BTBD9: variants seen among roughly 807,000 people sequenced by gnomAD.
BTBD9 encodes BTB/POZ domain-containing protein 9.
Under a neutral mutation model 64.3 loss-of-function variants are expected in BTBD9, and 49 were observed. That is an observed-to-expected ratio of 0.76 (90% confidence interval 0.61 to 0.97). BTBD9 has a LOEUF of 0.97. BTBD9 is among the 50% of genes least tolerant of loss of function. The pLI is 0.00. For missense variants in BTBD9, 598 were observed against 762.1 expected, an observed-to-expected ratio of 0.78 and a Z score of 2.53; for synonymous variants, 260 against 274.7, an observed-to-expected ratio of 0.95 and a Z score of 0.53.
chr6:38,540,742 G>T (rs951314506), intron 6 of BTBD9, among the ~76,000 whole-genome samples: 1 of 152,190 alleles, frequency 6.6e-6, no homozygotes, highest in African/African-American at 2.4e-5. Context: ...GGTATCCCTG[G>T]ACAGCAAAGA....
intron 6 of BTBD9, among the ~76,000 whole-genome samples, chr6:38,504,220 A>G (rs1190567545): frequency 6.6e-6 from 1 of 152,232 alleles, no homozygotes; most frequent in East Asian, 1.9e-4. Context: ...CGGCTAGAGA[A>G]AAATCACACA....
chr6:38,555,796 T>G (rs1774986543), intron 6 of BTBD9, among the ~76,000 whole-genome samples: 2 of 152,242 alleles, frequency 1.3e-5, no homozygotes, highest in African/African-American at 4.8e-5. Flanking sequence ...GCTTCGTATG[T>G]CAGTCTGGCA....
chr6:38,321,479 G>C (rs1763227646), intron 7 of BTBD9, among the ~76,000 whole-genome samples: 1 of 152,176 alleles, frequency 6.6e-6, no homozygotes, highest in Non-Finnish European at 1.5e-5. Flanking sequence ...AAGAGGGGGA[G>C]GGAAGCAGCC....
At chr6:38,185,376 G>C (rs1031577531) in intron 10 of BTBD9, among the ~76,000 whole-genome samples, 2 of 152,178 alleles carry the variant, frequency 1.3e-5, no homozygotes, top group African/African-American at 2.4e-5. Flanking sequence ...AGCATGCTCA[G>C]AGCCACCTGC....
At chr6:38,550,464 A>G (rs576023125) in intron 6 of BTBD9, among the ~76,000 whole-genome samples, 13 of 151,734 alleles carry the variant, frequency 8.6e-5, no homozygotes, top group African/African-American at 2.9e-4. Flanking sequence ...CTACAGGCAC[A>G]TGCCACCACA....
At chr6:38,504,234 G>T (rs1430191796) in intron 6 of BTBD9, among the ~76,000 whole-genome samples, 1 of 152,118 alleles carries the variant, frequency 6.6e-6, no homozygotes, top group African/African-American at 2.4e-5. Context: ...TCACACAATT[G>T]GACTTCATTT....
chr6:38,529,446 C>T (rs1260259804), intron 6 of BTBD9, among the ~76,000 whole-genome samples: 1 of 152,184 alleles, frequency 6.6e-6, no homozygotes, highest in Non-Finnish European at 1.5e-5. Flanking sequence ...CCTTTGACTA[C>T]CTGGGAAGCC....
chr6:38,485,981 T>C (rs550018386), intron 6 of BTBD9, among the ~76,000 whole-genome samples: 4 of 152,228 alleles, frequency 2.6e-5, no homozygotes, highest in Admixed American at 2.0e-4. Context: ...TCTGGGTAAC[T>C]TGCTGCAGCT....
chr6:38,328,668 C>T (rs2127580152), intron 7 of BTBD9, among the ~76,000 whole-genome samples: 1 of 143,808 alleles, frequency 7.0e-6, no homozygotes, highest in Admixed American at 7.2e-5. Context: ...ATATTTGGGG[C>T]CGGGCGCGGT....
At chr6:38,519,130 C>T (rs1773175774) in intron 6 of BTBD9, among the ~76,000 whole-genome samples, 1 of 152,162 alleles carries the variant, frequency 6.6e-6, no homozygotes, top group South Asian at 2.1e-4. Flanking sequence ...AGCACAGCAT[C>T]CTCTTGCATG....
intron 9 of BTBD9, among the ~76,000 whole-genome samples, chr6:38,197,347 C>A (rs1762301819): frequency 6.6e-6 from 1 of 152,198 alleles, no homozygotes; most frequent in African/African-American, 2.4e-5. Context: ...TGACTGTGAG[C>A]TTAGTTTCTT....
At chr6:38,293,142 C>T (rs1346956669) in intron 7 of BTBD9, among the ~76,000 whole-genome samples, 2 of 151,892 alleles carry the variant, frequency 1.3e-5, no homozygotes, top group African/African-American at 4.8e-5. Flanking sequence ...GTGAGTTTCT[C>T]CACTGCTCAA....
At chr6:38,355,617 T>C (rs1415627080) in intron 6 of BTBD9, among the ~76,000 whole-genome samples, 1 of 152,246 alleles carries the variant, frequency 6.6e-6, no homozygotes, top group African/African-American at 2.4e-5. Context: ...AAGGACGTTT[T>C]TTAATATGCA....
chr6:38,487,329 C>T (rs957092213), intron 6 of BTBD9, among the ~76,000 whole-genome samples: 2 of 152,050 alleles, frequency 1.3e-5, no homozygotes, highest in Non-Finnish European at 2.9e-5. Flanking sequence ...GCCTGTAATC[C>T]CAGCACTTTG....
intron 10 of BTBD9, among the ~76,000 whole-genome samples, chr6:38,187,310 C>T (rs1331515711): frequency 6.6e-6 from 1 of 152,156 alleles, no homozygotes; most frequent in African/African-American, 2.4e-5. Context: ...GGTGAACGAC[C>T]ACACAGGAAT....
rs540994050 is a variant in BTBD9, at chr6:38,302,460, C to G, written c.1265-13999G>C. 2.4e-4 allele frequency among the ~76,000 whole-genome samples: 33 copies of G among 136,068 alleles called. No homozygotes were observed. The Admixed American group carries it at 2.5e-3, about 10-fold the overall frequency. 89.3% of individuals were successfully genotyped at this position (136,068 alleles called of 152,430 possible). A position where few individuals can be genotyped will look rare whatever the true frequency, so the allele number is the denominator to read the frequency against. ...TGACAGCATTTCATTCTTTTAATGG[C>G]TGAATAATATTCCATTGTGTGTATG... On this transcript the variant is annotated intron_variant, in intron 7 of 10. Coordinates refer to ENST00000481247, the MANE Select transcript of BTBD9 (RefSeq NM_001099272.2).
intron 6 of BTBD9, among the ~76,000 whole-genome samples, chr6:38,381,278 T>C (rs1349573374): frequency 1.3e-5 from 2 of 152,006 alleles, no homozygotes; most frequent in African/African-American, 4.8e-5. Flanking sequence ...ACTAAAGGTA[T>C]GGAAAAAGAC....
At chr6:38,454,269 G>C (rs1449649672) in intron 6 of BTBD9, among the ~76,000 whole-genome samples, 1 of 151,916 alleles carries the variant, frequency 6.6e-6, no homozygotes, top group Non-Finnish European at 1.5e-5. Context: ...AAAAACGGGG[G>C]AAATATATTA....
chr6:38,499,266 G>A (rs1053572120), intron 6 of BTBD9, among the ~76,000 whole-genome samples: 1 of 152,068 alleles, frequency 6.6e-6, no homozygotes, highest in Admixed American at 6.6e-5. Flanking sequence ...CACAGGGACC[G>A]CCCGCTCTGC....
Sources: allele counts gnomAD v4.1 joint callset (sites outside exome capture counted in the v4.1 genomes callset), GRCh38; gene constraint gnomAD v4.1.1; transcripts MANE v1.5; gene names NCBI Gene and HGNC (gene_info 2026-07-23, HGNC 2026-07-21).